The following GLIS3 variants were observed in gnomAD, a reference collection of about 807,000 sequenced individuals.
GLIS3 encodes the protein zinc finger protein GLIS3.
GLIS3 carries 53 observed loss-of-function variants against 78.6 expected under a neutral mutation model. The ratio of observed to expected loss-of-function variants is 0.67; its 90% CI spans 0.54 to 0.85. The LOEUF is 0.85. GLIS3 is among the 40% of genes least tolerant of loss of function. The pLI, the probability that GLIS3 is intolerant of heterozygous loss-of-function variation, is 0.00. For missense variants in GLIS3, 1,703 were observed against 1,231.1 expected (o/e 1.38, Z -5.74); for synonymous variants, 684 against 509.9 (o/e 1.34, Z -4.60).
the GLIS3 span, among the ~76,000 whole-genome samples, chr9:4,456,422 T>C: frequency 6.6e-6 from 1 of 152,208 alleles, no homozygotes; most frequent in Non-Finnish European, 1.5e-5. Context: ...TGTGATGTTA[T>C]TTGGCTTAGG....
At chr9:3,955,586 C>T (rs1276629822) in intron 4 of GLIS3, among the ~76,000 whole-genome samples, 1 of 151,972 alleles carries the variant, frequency 6.6e-6, no homozygotes, top group African/African-American at 2.4e-5. Context: ...TTATGGTTGG[C>T]GTTGGATTAA....
chr9:3,884,608 T>A (rs1468309063), intron 7 of GLIS3, among the ~76,000 whole-genome samples: 1 of 152,212 alleles, frequency 6.6e-6, no homozygotes, highest in Non-Finnish European at 1.5e-5. Flanking sequence ...TCATTTCATC[T>A]TCTTGCTGCC....
At chr9:4,385,327 T>C in the GLIS3 span, among the ~76,000 whole-genome samples, 1 of 152,158 alleles carries the variant, frequency 6.6e-6, no homozygotes, top group African/African-American at 2.4e-5. Flanking sequence ...GCAATATAGA[T>C]GTTAGACTCC....
At chr9:3,846,812 A>G (rs1819077256) in intron 9 of GLIS3, among the ~76,000 whole-genome samples, 1 of 152,184 alleles carries the variant, frequency 6.6e-6, no homozygotes, top group African/African-American at 2.4e-5. Flanking sequence ...GTTTACCTCA[A>G]TGTGTAAGTG....
chr9:4,292,644 GT>G (rs1458823508), intron 1 of GLIS3, among the ~76,000 whole-genome samples: 7 of 152,178 alleles, frequency 4.6e-5, no homozygotes, highest in African/African-American at 1.7e-4. Context: ...TCACTGTGCA[GT>G]AAGTATCAAT....
chr9:4,237,159 C>T (rs531621153), intron 2 of GLIS3, among the ~76,000 whole-genome samples: 1 of 102,910 alleles, frequency 9.7e-6, no homozygotes, highest in African/African-American at 2.8e-5. Flanking sequence ...TAATCCAAAA[C>T]AAGGGAAAAC....
chr9:4,031,930 C>G (rs1245456891), intron 4 of GLIS3, among the ~76,000 whole-genome samples: 2 of 152,206 alleles, frequency 1.3e-5, no homozygotes, highest in African/African-American at 2.4e-5. Context: ...GGAGCCTAGA[C>G]TCTGGCTAGC....
At chr9:4,196,027 G>T (rs1285665424) in intron 2 of GLIS3, among the ~76,000 whole-genome samples, 3 of 151,766 alleles carry the variant, frequency 2.0e-5, no homozygotes, top group Admixed American at 6.6e-5. Context: ...AATCTAGTGG[G>T]GACTTGGAGA....
At chr9:4,066,859 G>C (rs2000063) in intron 4 of GLIS3, among the ~76,000 whole-genome samples, 92,864 of 152,024 alleles carry the variant, frequency 0.61, 29,674 homozygotes, top group East Asian at 0.92. Flanking sequence ...GGCACTTACG[G>C]TGCAACAAGT....
intron 2 of GLIS3, among the ~76,000 whole-genome samples, chr9:4,245,662 T>G (rs1171322769): frequency 2.0e-5 from 3 of 152,188 alleles, no homozygotes; most frequent in African/African-American, 7.2e-5. Context: ...TTTTGAAAAC[T>G]GATATAATTT....
At chr9:4,164,279 A>G (rs1442530737) in intron 2 of GLIS3, among the ~76,000 whole-genome samples, 1 of 152,176 alleles carries the variant, frequency 6.6e-6, no homozygotes, top group African/African-American at 2.4e-5. Flanking sequence ...AACAGCCCCA[A>G]ATATTTGAAA....
upstream of GLIS3, among the ~76,000 whole-genome samples, chr9:4,348,786 A>G (rs1489909324): frequency 3.3e-5 from 5 of 152,176 alleles, no homozygotes; most frequent in Non-Finnish European, 5.9e-5. Flanking sequence ...AAAAAAACAG[A>G]TTAAAAAGAT....
At chr9:3,871,223 A>G (rs1470116538) in intron 8 of GLIS3, among the ~76,000 whole-genome samples, 2 of 152,188 alleles carry the variant, frequency 1.3e-5, no homozygotes, top group Non-Finnish European at 2.9e-5. Flanking sequence ...TGCAGGGTAC[A>G]GCCTGCCTCC....
intron 8 of GLIS3, among the ~76,000 whole-genome samples, chr9:3,862,623 C>A (rs572340291): frequency 1.3e-5 from 2 of 152,140 alleles, no homozygotes; most frequent in African/African-American, 4.8e-5. Flanking sequence ...ACAAGCAGTT[C>A]CAGCCAGCAG....
chr9:3,980,249 G>A (rs533885259), intron 4 of GLIS3, among the ~76,000 whole-genome samples: 42 of 152,304 alleles, frequency 2.8e-4, no homozygotes, highest in Non-Finnish European at 4.1e-4. Flanking sequence ...ACTATATAAC[G>A]TGACTTTAAA....
chr9:4,008,667 G>A (rs1821749443), intron 4 of GLIS3, among the ~76,000 whole-genome samples: 1 of 152,086 alleles, frequency 6.6e-6, no homozygotes, highest in South Asian at 2.1e-4. Context: ...CAAAGTACAT[G>A]CCCCATGTGC....
intron 6 of GLIS3, among the ~76,000 whole-genome samples, chr9:3,929,563 C>G (rs1212435143): frequency 6.6e-6 from 1 of 152,072 alleles, no homozygotes; most frequent in Non-Finnish European, 1.5e-5. Context: ...ATAAAACTGG[C>G]AACCTTAAGA....
intron 2 of GLIS3, among the ~76,000 whole-genome samples, chr9:4,224,464 G>C (rs1383202655): frequency 6.6e-6 from 1 of 152,142 alleles, no homozygotes; most frequent in South Asian, 2.1e-4. Context: ...GACTCCCTGG[G>C]AAAATCACTA....
chr9:4,061,424 T>A (rs56036944), intron 4 of GLIS3, among the ~76,000 whole-genome samples: 1 of 152,278 alleles, frequency 6.6e-6, no homozygotes, highest in African/African-American at 2.4e-5. Flanking sequence ...TAGTATTCCA[T>A]GGTGTATATG....
Sources: allele counts gnomAD v4.1 joint callset (sites outside exome capture counted in the v4.1 genomes callset), GRCh38; gene constraint gnomAD v4.1.1; transcripts MANE v1.5; gene names NCBI Gene and HGNC (gene_info 2026-07-23, HGNC 2026-07-21).